The following TMCC1 variants were observed in gnomAD, a reference collection of about 807,000 sequenced individuals.
TMCC1 encodes transmembrane and coiled-coil domain family 1.
TMCC1 carries 15 observed loss-of-function variants against 52.4 expected under a neutral mutation model. That is an observed-to-expected ratio of 0.29 (90% CI 0.19 to 0.44). The LOEUF is 0.44. TMCC1 is among the 20% of genes least tolerant of loss of function. TMCC1 has a pLI of 1.00. For missense variants in TMCC1, 503 were observed against 806.0 expected, an observed-to-expected ratio of 0.62 and a Z score of 4.55; for synonymous variants, 279 against 301.9, an observed-to-expected ratio of 0.92 and a Z score of 0.79.
At chr3:129,736,662 C>T (rs1269472767) in intron 4 of TMCC1, among the ~76,000 whole-genome samples, 2 of 151,808 alleles carry the variant, frequency 1.3e-5, no homozygotes, top group Admixed American at 1.3e-4. Flanking sequence ...GCTGGGATCA[C>T]AGGCGCCCGC....
intron 1 of TMCC1, among the ~76,000 whole-genome samples, chr3:129,885,558 T>C (rs1039069129): frequency 6.6e-6 from 1 of 151,998 alleles, no homozygotes; most frequent in African/African-American, 2.4e-5. Flanking sequence ...GCACTCCAGC[T>C]TGGGTGAGAC....
rs1427502119 is a variant in TMCC1, at chr3:129,650,971, G to A, written c.*510C>T. 1 of 156,088 alleles carries A rather than the reference G, an allele frequency of 6.4e-6. No individual in the cohort carries two copies. The highest frequency in any genetic ancestry group is 1.4e-5 in the Non-Finnish European group (1 of 70,054). 9.7% of individuals were successfully genotyped at this position (156,088 alleles called of 1,614,324 possible). A position where few individuals can be genotyped will look rare whatever the true frequency, so the allele number is the denominator to read the frequency against. On this transcript the variant is annotated 3_prime_UTR_variant, in exon 7 of 7. Transcript: ENST00000393238. ...GGGTGAGAAAGCCAGAGAGATCCATGTGTTCTTCCACGGACAACGAAAATC... is the reference window on the plus strand; with the variant it reads ...GGGTGAGAAAGCCAGAGAGATCCATATGTTCTTCCACGGACAACGAAAATC...
intron 4 of TMCC1, among the ~76,000 whole-genome samples, chr3:129,745,586 C>G (rs1313422233): frequency 3.9e-5 from 6 of 152,198 alleles, no homozygotes; most frequent in Non-Finnish European, 7.3e-5. Flanking sequence ...TCCATTTTAG[C>G]TGCACAAAGC....
intron 4 of TMCC1, among the ~76,000 whole-genome samples, chr3:129,774,308 C>A (rs1270991970): frequency 1.3e-5 from 2 of 152,134 alleles, no homozygotes; most frequent in Non-Finnish European, 2.9e-5. Flanking sequence ...TCCTTATGAA[C>A]TAAATATGTT....
intron 4 of TMCC1, among the ~76,000 whole-genome samples, chr3:129,718,782 C>A (rs1480354470): frequency 6.6e-6 from 1 of 152,004 alleles, no homozygotes; most frequent in Non-Finnish European, 1.5e-5. Flanking sequence ...ATTTTATTTT[C>A]TCTAGCTTAC....
At chr3:129,764,082 G>T (rs942874510) in intron 4 of TMCC1, among the ~76,000 whole-genome samples, 1 of 151,958 alleles carries the variant, frequency 6.6e-6, no homozygotes, top group Non-Finnish European at 1.5e-5. Flanking sequence ...AAATCTTCCT[G>T]GTAGACAAAA....
At chr3:129,737,562 A>T (rs1460891583) in intron 4 of TMCC1, among the ~76,000 whole-genome samples, 3 of 152,034 alleles carry the variant, frequency 2.0e-5, no homozygotes, top group African/African-American at 7.2e-5. Context: ...ACATCTATCT[A>T]TGAGAAATAG....
At chr3:129,696,132 A>T (rs763367260) in intron 4 of TMCC1, among the ~76,000 whole-genome samples, 12 of 152,202 alleles carry the variant, frequency 7.9e-5, no homozygotes, top group Non-Finnish European at 1.5e-4. Context: ...ATTAACTGAG[A>T]GTCTAGCACC....
intron 4 of TMCC1, among the ~76,000 whole-genome samples, chr3:129,815,923 C>A (rs1419785323): frequency 6.6e-6 from 1 of 152,012 alleles, no homozygotes; most frequent in Non-Finnish European, 1.5e-5. Flanking sequence ...TTATAATGGG[C>A]AAAAGATCTG....
intron 4 of TMCC1, 84 bp downstream of exon 4, chr3:129,827,719 T>A: frequency 6.7e-7 from 1 of 1,486,394 alleles, no homozygotes; most frequent in East Asian, 2.3e-5. Flanking sequence ...CTGAGATATC[T>A]TTTTAGTTAC....
At chr3:129,682,904 C>T (rs1444799550) in intron 4 of TMCC1, among the ~76,000 whole-genome samples, 2 of 152,212 alleles carry the variant, frequency 1.3e-5, no homozygotes, top group African/African-American at 2.4e-5. Flanking sequence ...GGCGCGATCT[C>T]GGCTCACCGC....
chr3:129,739,750 C>G (rs2051295548), intron 4 of TMCC1, among the ~76,000 whole-genome samples: 1 of 152,178 alleles, frequency 6.6e-6, no homozygotes, highest in Non-Finnish European at 1.5e-5. Flanking sequence ...CCAAGTAAAA[C>G]AGCCTAAAAA....
chr3:129,741,985 A>C (rs1263565910), intron 4 of TMCC1, among the ~76,000 whole-genome samples: 1 of 152,158 alleles, frequency 6.6e-6, no homozygotes, highest in Non-Finnish European at 1.5e-5. Flanking sequence ...TCCTCCTTTA[A>C]AGACAATGCT....
intron 2 of TMCC1, among the ~76,000 whole-genome samples, chr3:129,842,477 A>ACACACACAC (rs1560529071): frequency 2.4e-3 from 353 of 147,744 alleles, no homozygotes; most frequent in African/African-American, 8.5e-3. Flanking sequence ...AAAAAAACAA[A>ACACACACAC]ACACACACAC....
chr3:129,835,513 C>A (rs957846514), intron 2 of TMCC1, among the ~76,000 whole-genome samples: 1 of 152,026 alleles, frequency 6.6e-6, no homozygotes, highest in East Asian at 1.9e-4. Flanking sequence ...GCAATAATAA[C>A]GTGTGATGAG....
intron 2 of TMCC1, chr3:129,848,295 T>C (rs1398421483): frequency 6.6e-6 from 1 of 152,228 alleles, no homozygotes; most frequent in Non-Finnish European, 1.5e-5. Flanking sequence ...TGGAGTTGCA[T>C]GGTTTTAGCT....
At chr3:129,723,695 T>C (rs1381304029) in intron 4 of TMCC1, among the ~76,000 whole-genome samples, 2 of 152,160 alleles carry the variant, frequency 1.3e-5, no homozygotes, top group Non-Finnish European at 1.5e-5. Context: ...TCTGTCCAAA[T>C]AGCTTTGGGT....
chr3:129,754,512 G>C (rs981523974), intron 4 of TMCC1, among the ~76,000 whole-genome samples: 6 of 152,112 alleles, frequency 3.9e-5, no homozygotes, highest in Admixed American at 1.3e-4. Flanking sequence ...GGAAGGATAC[G>C]GTCCACAGAT....
intron 4 of TMCC1, among the ~76,000 whole-genome samples, chr3:129,716,940 T>G (rs1316290540): frequency 2.0e-5 from 3 of 152,194 alleles, no homozygotes; most frequent in Non-Finnish European, 4.4e-5. Flanking sequence ...AGTCTGTGTT[T>G]CAGTGACATT....
Sources: allele counts gnomAD v4.1 joint callset (sites outside exome capture counted in the v4.1 genomes callset), GRCh38; gene constraint gnomAD v4.1.1; transcripts MANE v1.5; gene names NCBI Gene and HGNC (gene_info 2026-07-23, HGNC 2026-07-21).